BCAS4: variants seen among roughly 807,000 people sequenced by gnomAD.
BCAS4 encodes the protein breast carcinoma-amplified sequence 4.
In BCAS4, 9 loss-of-function variants were observed where a neutral mutation model predicts 15.7. The ratio of observed to expected loss-of-function variants is 0.57; its 90% CI spans 0.34 to 1.00. BCAS4 has a LOEUF of 1.00. Ranked by LOEUF, BCAS4 falls within the 50% of genes least tolerant of loss-of-function variation. The pLI is 0.02. For missense variants in BCAS4, 225 were observed against 239.1 expected (o/e 0.94, Z 0.39); for synonymous variants, 101 against 99.5 (o/e 1.02, Z -0.09).
At chr20:50,854,919 G>C (rs1222302520) in intron 4 of BCAS4, among the ~76,000 whole-genome samples, 1 of 152,216 alleles carries the variant, frequency 6.6e-6, no homozygotes, top group Non-Finnish European at 1.5e-5. Flanking sequence ...TGAATGGAGT[G>C]GCTCACTCGC....
intron 3 of BCAS4, among the ~76,000 whole-genome samples, chr20:50,831,825 C>T (rs772153073): frequency 3.3e-5 from 5 of 152,170 alleles, no homozygotes; most frequent in Non-Finnish European, 7.3e-5. Context: ...CCAGAGGGAA[C>T]GTGAGCCCCT....
At chr20:50,812,709 G>A (rs540470982) in intron 1 of BCAS4, among the ~76,000 whole-genome samples, 3 of 152,234 alleles carry the variant, frequency 2.0e-5, no homozygotes, top group African/African-American at 7.2e-5. Context: ...CAAAGTGTTG[G>A]GATTACAGGC....
intron 1 of BCAS4, among the ~76,000 whole-genome samples, chr20:50,801,995 G>A (rs79942548): frequency 0.019 from 2,833 of 152,054 alleles, 92 homozygotes; most frequent in African/African-American, 0.065. Flanking sequence ...CCCAGGGGGG[G>A]AGTCTGAATT....
chr20:50,826,605 C>T (rs1276185837), intron 2 of BCAS4, among the ~76,000 whole-genome samples: 4 of 152,136 alleles, frequency 2.6e-5, no homozygotes, highest in South Asian at 2.1e-4. Context: ...GATGGTGCCT[C>T]GCTATGTTGC....
intron 1 of BCAS4, among the ~76,000 whole-genome samples, chr20:50,815,250 C>G (rs964618423): frequency 8.5e-5 from 13 of 152,102 alleles, no homozygotes; most frequent in African/African-American, 3.1e-4. Flanking sequence ...AATGCACTTC[C>G]TACAAGCACA....
intron 1 of BCAS4, among the ~76,000 whole-genome samples, chr20:50,805,896 G>C (rs145374048): frequency 6.6e-6 from 1 of 151,384 alleles, no homozygotes; most frequent in African/African-American, 2.4e-5. Flanking sequence ...AAAATTGCTT[G>C]AACCTGGGAG....
At chr20:50,863,871 C>T (rs979880999) in intron 4 of BCAS4, among the ~76,000 whole-genome samples, 1 of 152,150 alleles carries the variant, frequency 6.6e-6, no homozygotes, top group African/African-American at 2.4e-5. Flanking sequence ...CCCTGGGCTA[C>T]GAAGGACTCT....
intron 4 of BCAS4, among the ~76,000 whole-genome samples, chr20:50,853,718 G>GGAGGGTGTTTTGTGTACT (rs1978586238): frequency 8.5e-5 from 1 of 11,732 alleles, no homozygotes; most frequent in Admixed American, 1.1e-3. Context: ...TTTGTGTACT[G>GGAGGGTGTTTTGTGTACT]GGGGGTGTTT....
chr20:50,851,211 T>A lies in BCAS4; in HGVS notation c.399+9311T>A, dbSNP rs1349748200. Among the ~76,000 whole-genome samples, 1 of 152,144 alleles carries A rather than the reference T, an allele frequency of 6.6e-6. No homozygotes were observed. Among genetic ancestry groups the A allele is most frequent in the Non-Finnish European group, 1.5e-5 (1 of 68,036 alleles). On this transcript the variant is annotated intron_variant, in intron 4 of 4. Transcript: ENST00000371608. The surrounding 1 kb of genome is among the most constrained non-coding windows in gnomAD (Gnocchi z 4.3). ...AAGGGAGAGGAAATTGTGAGGCGCC[T>A]TCTCCCGGCCCTGAACCAGCCACTG...
intron 1 of BCAS4, among the ~76,000 whole-genome samples, chr20:50,798,398 G>A (rs1010468918): frequency 1.3e-5 from 2 of 151,164 alleles, no homozygotes; most frequent in Admixed American, 6.6e-5. Context: ...TCTGGGCCAG[G>A]AGCAATGGCT....
chr20:50,876,663 A>T lies in BCAS4; in HGVS notation c.*55A>T. 1 of 1,558,812 alleles carries T rather than the reference A, an allele frequency of 6.4e-7. No homozygotes were observed. Among genetic ancestry groups the T allele is most frequent in the Non-Finnish European group, 8.6e-7 (1 of 1,158,384 alleles). ...GAAAGTGACATTGTGTACACACTGC[A>T]GCTTGGGGGTTTTTTCTTTGTATTG... On this transcript the variant is annotated 3_prime_UTR_variant, in exon 5 of 5. Transcript: ENST00000371608.
At chr20:50,822,814 AT>A (rs1432113944) in intron 2 of BCAS4, among the ~76,000 whole-genome samples, 2 of 151,422 alleles carry the variant, frequency 1.3e-5, no homozygotes, top group Non-Finnish European at 2.9e-5. Context: ...TTTAGTAGAG[AT>A]GGGGTTTCAC....
intron 3 of BCAS4, among the ~76,000 whole-genome samples, chr20:50,838,499 C>G (rs1292163450): frequency 6.6e-6 from 1 of 152,040 alleles, no homozygotes; most frequent in African/African-American, 2.4e-5. Flanking sequence ...CACCTGGGAT[C>G]GGGAGTTCGA....
At chr20:50,798,064 G>A (rs954966612) in intron 1 of BCAS4, among the ~76,000 whole-genome samples, 1 of 152,140 alleles carries the variant, frequency 6.6e-6, no homozygotes, top group Admixed American at 6.5e-5. Context: ...GGGAGGCCAG[G>A]GCAGGCGGAT....
intron 4 of BCAS4, among the ~76,000 whole-genome samples, chr20:50,864,536 C>T (rs1056312928): frequency 1.1e-4 from 16 of 150,750 alleles, no homozygotes; most frequent in African/African-American, 3.9e-4. Context: ...CCTCCCAGGT[C>T]CAAGAGATTC....
intron 1 of BCAS4, among the ~76,000 whole-genome samples, chr20:50,796,696 A>G (rs180710262): frequency 0.014 from 2,104 of 150,832 alleles, 22 homozygotes; most frequent in South Asian, 0.021. Context: ...GGGTTTCACC[A>G]TGTTGGCCAG....
chr20:50,847,156 A>G (rs1405609518), intron 4 of BCAS4, among the ~76,000 whole-genome samples: 1 of 147,246 alleles, frequency 6.8e-6, no homozygotes, highest in Non-Finnish European at 1.5e-5. Context: ...GAGTGATCTC[A>G]GCTCACTGCA....
chr20:50,847,229 G>C (rs2088556797), intron 4 of BCAS4, among the ~76,000 whole-genome samples: 1 of 152,134 alleles, frequency 6.6e-6, no homozygotes, highest in Admixed American at 6.5e-5. Context: ...TGGGATTACA[G>C]GCGCGCACCA....
At position 50,875,037 on chromosome 20, in the gene BCAS4, C is replaced by A. The variant is rs1979852156; in HGVS notation, c.400-1449C>A. On this transcript the variant is annotated intron_variant, in intron 4 of 4. Transcript: ENST00000371608. The stretch of plus-strand genomic sequence containing the variant: ...CAACCAGGAGCAGTAGCCCGGGAGC[C>A]CTCTCCTTCTTCTGGTGCAGGCCGT... Among the ~76,000 whole-genome samples, 7 of 152,106 alleles carry A rather than the reference C, an allele frequency of 4.6e-5. No homozygotes were observed. The South Asian group carries it at 1.2e-3, about 27-fold the overall frequency.
Sources: gnomAD v4.1 joint callset for allele counts (sites outside exome capture counted in the v4.1 genomes callset) on GRCh38, gnomAD v4.1.1 for gene constraint, Gnocchi (gnomAD v3.1) non-coding constraint, MANE v1.5 for transcripts, NCBI Gene and HGNC (gene_info 2026-07-23, HGNC 2026-07-21) for gene names.